ARHGAP12: variants seen among roughly 807,000 people sequenced by gnomAD.
ARHGAP12 encodes the protein rho GTPase-activating protein 12.
ARHGAP12 carries 64 observed loss-of-function variants against 108.6 expected under a neutral mutation model. That is an observed-to-expected ratio of 0.59 (90% CI 0.48 to 0.73). The LOEUF is 0.73. Among genes scored for constraint, ARHGAP12 ranks in the 30% least tolerant of loss-of-function variants. The pLI, the probability that ARHGAP12 is intolerant of heterozygous loss-of-function variation, is 0.00. For synonymous variants in ARHGAP12, 312 were observed against 337.2 expected, an observed-to-expected ratio of 0.93 and a Z score of 0.82; for missense variants, 940 against 1,005.9, an observed-to-expected ratio of 0.93 and a Z score of 0.89.
At chr10:31,893,224 T>A (rs1838530497) in intron 3 of ARHGAP12, among the ~76,000 whole-genome samples, 1 of 152,084 alleles carries the variant, frequency 6.6e-6, no homozygotes, top group East Asian at 1.9e-4. Flanking sequence ...TTCAAAAGCT[T>A]GCAGAAGGCA....
At chr10:31,878,434 G>C (rs1040894185) in intron 3 of ARHGAP12, among the ~76,000 whole-genome samples, 5 of 152,168 alleles carry the variant, frequency 3.3e-5, no homozygotes, top group Admixed American at 2.6e-4. Flanking sequence ...TCAGCTTTTT[G>C]AGAAATCACA....
chr10:31,914,921 T>C (rs1038862313), intron 1 of ARHGAP12, among the ~76,000 whole-genome samples: 11 of 152,164 alleles, frequency 7.2e-5, no homozygotes, highest in Non-Finnish European at 1.0e-4. Context: ...TGTATATACA[T>C]ACACACATAC....
intron 6 of ARHGAP12, among the ~76,000 whole-genome samples, chr10:31,848,761 C>T (rs1836560752): frequency 6.6e-6 from 1 of 151,952 alleles, no homozygotes; most frequent in Non-Finnish European, 1.5e-5. Flanking sequence ...AATTTTAAGC[C>T]TTTATTAAAT....
chr10:31,895,368 T>A (rs1392921326), intron 3 of ARHGAP12, among the ~76,000 whole-genome samples: 6 of 152,024 alleles, frequency 3.9e-5, no homozygotes, highest in Non-Finnish European at 8.8e-5. Context: ...ACGGCTAATA[T>A]CCAGAATCTA....
intron 3 of ARHGAP12, among the ~76,000 whole-genome samples, chr10:31,875,620 G>A (rs1837700791): frequency 6.6e-6 from 1 of 152,112 alleles, no homozygotes; most frequent in Admixed American, 6.6e-5. Flanking sequence ...CAAAACTGAG[G>A]CCTGTCTAGA....
chr10:31,900,222 G>A (rs147945873), intron 3 of ARHGAP12, among the ~76,000 whole-genome samples: 1 of 152,294 alleles, frequency 6.6e-6, no homozygotes, highest in East Asian at 1.9e-4. Flanking sequence ...CCAAATGCTC[G>A]TGAATATGTG....
chr10:31,879,449 C>G (rs182255434), intron 3 of ARHGAP12, among the ~76,000 whole-genome samples: 1 of 152,168 alleles, frequency 6.6e-6, no homozygotes, highest in East Asian at 1.9e-4. Flanking sequence ...ATATGATTAT[C>G]ACAAAAAACT....
chr10:31,843,631 A>C (rs1836348245), intron 6 of ARHGAP12, 45 bp from the exon 7 acceptor site: 2 of 1,519,676 alleles, frequency 1.3e-6, no homozygotes, highest in East Asian at 4.7e-5. Context: ...GTTCATAAAC[A>C]ATAGAAATGA....
Position 31,809,179 on chromosome 10 carries a change from C to G in ARHGAP12, c.2128+51G>C, listed in dbSNP as rs1256345618. ...TTTAAAAAATTACTTTAAGCCAGTT[C>G]AAAAAGTTATGAGTGATGCATCTGA... On this transcript the variant is annotated intron_variant, in intron 17 of 19. Transcript: ENST00000344936. The G allele has an allele frequency of 2.5e-6, 4 of 1,613,010 alleles. No individual in the cohort carries two copies. In the Admixed American group the frequency reaches 6.7e-5, roughly 27 times the overall value.
At chr10:31,816,168 C>T (rs1004312007) in intron 13 of ARHGAP12, among the ~76,000 whole-genome samples, 4 of 136,330 alleles carry the variant, frequency 2.9e-5, no homozygotes, top group East Asian at 2.3e-4. Context: ...AAGAAAGAAA[C>T]GTGTGTGTGT....
intron 9 of ARHGAP12, among the ~76,000 whole-genome samples, chr10:31,833,402 T>C (rs1455082913): frequency 2.0e-5 from 3 of 150,134 alleles, no homozygotes; most frequent in Non-Finnish European, 4.4e-5. Context: ...ATGGATGGCA[T>C]AGCAGTAGTG....
intron 9 of ARHGAP12, among the ~76,000 whole-genome samples, chr10:31,837,673 T>C (rs1037747338): frequency 6.6e-6 from 1 of 152,152 alleles, no homozygotes; most frequent in African/African-American, 2.4e-5. Context: ...GTACAACCCC[T>C]GATTAGTGCC....
At chr10:31,922,349 T>C (rs57068553) in intron 1 of ARHGAP12, among the ~76,000 whole-genome samples, 7,752 of 150,380 alleles carry the variant, frequency 0.052, 659 homozygotes, top group African/African-American at 0.18. Flanking sequence ...AAATAGAAAA[T>C]ATTATGAACA....
At chr10:31,832,327 T>C (rs1042600067) in intron 9 of ARHGAP12, among the ~76,000 whole-genome samples, 7 of 152,174 alleles carry the variant, frequency 4.6e-5, no homozygotes, top group Non-Finnish European at 1.0e-4. Flanking sequence ...TAATGTAGCA[T>C]AAAAAATTCA....
intron 3 of ARHGAP12, among the ~76,000 whole-genome samples, chr10:31,903,554 T>C (rs976220162): frequency 1.3e-5 from 2 of 152,264 alleles, no homozygotes; most frequent in South Asian, 4.1e-4. Context: ...TAAAACTAGT[T>C]CTTGGACTTA....
intron 1 of ARHGAP12, among the ~76,000 whole-genome samples, chr10:31,917,242 T>C (rs1416796716): frequency 6.6e-6 from 1 of 151,856 alleles, no homozygotes; most frequent in East Asian, 2.0e-4. Context: ...ACCTCGTCTC[T>C]ACTAAAAATA....
At chr10:31,910,297 C>CT (rs1337631507) in intron 2 of ARHGAP12, among the ~76,000 whole-genome samples, 1 of 152,172 alleles carries the variant, frequency 6.6e-6, no homozygotes, top group African/African-American at 2.4e-5. Flanking sequence ...TAACAACCTA[C>CT]TAATTTTCTA....
intron 1 of ARHGAP12, among the ~76,000 whole-genome samples, chr10:31,921,562 G>A (rs1240093113): frequency 6.6e-6 from 1 of 151,404 alleles, no homozygotes; most frequent in Admixed American, 6.6e-5. Flanking sequence ...TCAGGAGTTC[G>A]ATACCAGCCT....
At chr10:31,928,580 G>T in intron 1 of ARHGAP12, 103 bp downstream of exon 1, 2 of 151,858 alleles carry the variant, frequency 1.3e-5, no homozygotes, top group South Asian at 3.7e-4. Flanking sequence ...GCCTCCCCCC[G>T]ACTCCACCGC....
Sources: gnomAD v4.1 joint callset for allele counts (sites outside exome capture counted in the v4.1 genomes callset) on GRCh38, gnomAD v4.1.1 for gene constraint, MANE v1.5 for transcripts, NCBI Gene and HGNC (gene_info 2026-07-23, HGNC 2026-07-21) for gene names.